The following CDH12 variants were observed in gnomAD, a reference collection of about 807,000 sequenced individuals.
CDH12 encodes the protein cadherin 12, also known as cadherin-12.
A neutral mutation model predicts 74.1 loss-of-function variants in CDH12; 41 were observed. The ratio of observed to expected loss-of-function variants is 0.55; its 90% CI spans 0.43 to 0.72. The LOEUF is 0.72. Ranked by LOEUF, CDH12 falls within the 30% of genes least tolerant of loss-of-function variation. The pLI, the probability that CDH12 is intolerant of heterozygous loss-of-function variation, is 0.00. For missense variants in CDH12, 945 were observed against 977.2 expected (o/e 0.97, Z 0.44); for synonymous variants, 399 against 355.0 (o/e 1.12, Z -1.39).
chr5:22,367,528 G>A (rs1741085476), intron 3 of CDH12, among the ~76,000 whole-genome samples: 1 of 152,174 alleles, frequency 6.6e-6, no homozygotes. Context: ...CCTAAGTGCT[G>A]AGTCTGATGT....
chr5:22,095,082 A>T (rs964554690), intron 4 of CDH12, among the ~76,000 whole-genome samples: 1 of 152,130 alleles, frequency 6.6e-6, no homozygotes, highest in Non-Finnish European at 1.5e-5. Context: ...CGTGACTTGG[A>T]TCGGGGGACC....
chr5:21,790,553 A>C lies in CDH12; in HGVS notation c.1257-7059T>G, dbSNP rs187055200. On this transcript the variant is annotated intron_variant, in intron 10 of 14. Coordinates refer to ENST00000382254, the MANE Select transcript of CDH12 (RefSeq NM_004061.5). ...ACATTTTATTCACTTACCTTGTGCA[A>C]TTAGTTTAGGGATCTTTCATTCCAA... Among the ~76,000 whole-genome samples, 307 of 152,168 alleles carry C rather than the reference A, an allele frequency of 2.0e-3. 5 individuals are homozygous for C. Among genetic ancestry groups the C allele is most frequent in the Non-Finnish European group, 3.4e-4 (23 of 67,968 alleles).
chr5:22,767,341 T>C (rs1266027478), intron 1 of CDH12, among the ~76,000 whole-genome samples: 1 of 152,028 alleles, frequency 6.6e-6, no homozygotes, highest in East Asian at 1.9e-4. Flanking sequence ...TAATCAATAG[T>C]CATTTCAGAT....
At chr5:22,555,778 T>C (rs1174137792) in intron 1 of CDH12, among the ~76,000 whole-genome samples, 1 of 152,092 alleles carries the variant, frequency 6.6e-6, no homozygotes, top group East Asian at 1.9e-4. Flanking sequence ...TATTCTTTTC[T>C]GTTTATACCC....
chr5:22,754,201 T>G (rs1260526012), intron 1 of CDH12, among the ~76,000 whole-genome samples: 1 of 152,190 alleles, frequency 6.6e-6, no homozygotes, highest in Admixed American at 6.5e-5. Context: ...AGCAAGCAAC[T>G]TGAATGCTTT....
At chr5:22,332,685 C>A (rs1181329874) in intron 3 of CDH12, among the ~76,000 whole-genome samples, 1 of 152,044 alleles carries the variant, frequency 6.6e-6, no homozygotes, top group Non-Finnish European at 1.5e-5. Flanking sequence ...CAAAAGAAGA[C>A]ATTTATGCAG....
At chr5:22,363,634 T>A (rs1740913184) in intron 3 of CDH12, among the ~76,000 whole-genome samples, 1 of 152,208 alleles carries the variant, frequency 6.6e-6, no homozygotes, top group South Asian at 2.1e-4. Context: ...AGCTGACAGA[T>A]AACAGTGGTA....
intron 1 of CDH12, among the ~76,000 whole-genome samples, chr5:22,748,498 T>C (rs1867072): frequency 0.063 from 9,657 of 152,194 alleles, 355 homozygotes; most frequent in African/African-American, 0.09. Context: ...CAGTATAGAA[T>C]ACTGTGTGAA....
At chr5:22,056,255 A>G (rs987723438) in intron 5 of CDH12, among the ~76,000 whole-genome samples, 16 of 152,156 alleles carry the variant, frequency 1.1e-4, no homozygotes, top group African/African-American at 3.1e-4. Context: ...TTGTTAACAT[A>G]AAGTATATAT....
intron 3 of CDH12, among the ~76,000 whole-genome samples, chr5:22,219,805 A>C (rs1751948673): frequency 6.6e-6 from 1 of 151,710 alleles, no homozygotes; most frequent in South Asian, 2.1e-4. Context: ...TTCTCAGATG[A>C]AAAAAGGTGA....
intron 1 of CDH12, among the ~76,000 whole-genome samples, chr5:22,782,618 G>A (rs925658293): frequency 6.6e-6 from 1 of 152,020 alleles, no homozygotes; most frequent in Non-Finnish European, 1.5e-5. Flanking sequence ...AATAGAATAG[G>A]TTTCTTTGAT....
At chr5:21,950,755 A>ATTTTTTTTT (rs1263550742) in intron 6 of CDH12, among the ~76,000 whole-genome samples, 7 of 119,364 alleles carry the variant, frequency 5.9e-5, no homozygotes, top group Non-Finnish European at 6.8e-5. Flanking sequence ...CATAAATTTT[A>ATTTTTTTTT]TTTTATTATT....
At chr5:22,261,805 T>C (rs974379236) in intron 3 of CDH12, among the ~76,000 whole-genome samples, 1 of 123,898 alleles carries the variant, frequency 8.1e-6, no homozygotes, top group Non-Finnish European at 1.7e-5. Flanking sequence ...AAAAAAAAAA[T>C]ACATGGCTTT....
chr5:22,145,304 G>C lies in CDH12; in HGVS notation c.-186-66442C>G, dbSNP rs900871064. Among the ~76,000 whole-genome samples, 64 of 152,092 alleles carry C rather than the reference G, an allele frequency of 4.2e-4. 1 individual carries two copies. Among genetic ancestry groups the C allele is most frequent in the Non-Finnish European group, 1.5e-5 (1 of 67,962 alleles). On this transcript the variant is annotated intron_variant, in intron 4 of 14. Coordinates refer to ENST00000382254, the MANE Select transcript of CDH12 (RefSeq NM_004061.5). Reference sequence around the variant, plus strand: ...TTTATCAAAGTCCGTACAGCTGCTAGCAATGAGGGGGATCTAGGATTCTAT... The same window carrying C: ...TTTATCAAAGTCCGTACAGCTGCTACCAATGAGGGGGATCTAGGATTCTAT...
chr5:21,961,121 T>C (rs1037564288), intron 6 of CDH12, among the ~76,000 whole-genome samples: 2 of 152,134 alleles, frequency 1.3e-5, no homozygotes, highest in Admixed American at 6.6e-5. Context: ...CTATTGTTTA[T>C]TTTGAGCCGA....
At chr5:22,047,826 C>T (rs1740067054) in intron 5 of CDH12, among the ~76,000 whole-genome samples, 1 of 152,240 alleles carries the variant, frequency 6.6e-6, no homozygotes, top group Non-Finnish European at 1.5e-5. Flanking sequence ...ACTCAGTGTC[C>T]TACTTCTAAA....
At chr5:22,262,539 A>C (rs1753558203) in intron 3 of CDH12, among the ~76,000 whole-genome samples, 1 of 151,092 alleles carries the variant, frequency 6.6e-6, no homozygotes, top group African/African-American at 2.4e-5. Flanking sequence ...GGTTGGTTCC[A>C]AGTCTTTGCT....
At chr5:22,077,502 TC>T (rs1412094962) in intron 5 of CDH12, among the ~76,000 whole-genome samples, 5 of 152,162 alleles carry the variant, frequency 3.3e-5, no homozygotes, top group Non-Finnish European at 7.4e-5. Context: ...ATGATGGTTT[TC>T]CAATTATGAC....
intron 4 of CDH12, among the ~76,000 whole-genome samples, chr5:22,086,881 T>C (rs1374058729): frequency 6.6e-6 from 1 of 152,200 alleles, no homozygotes; most frequent in Non-Finnish European, 1.5e-5. Context: ...AACTGCATTG[T>C]TTGAAAACCC....
Sources: gnomAD v4.1 joint callset for allele counts (sites outside exome capture counted in the v4.1 genomes callset) on GRCh38, gnomAD v4.1.1 for gene constraint, MANE v1.5 for transcripts, NCBI Gene and HGNC (gene_info 2026-07-23, HGNC 2026-07-21) for gene names.